Variants in HYCC1 observed in about 807,000 individuals in gnomAD.
HYCC1 encodes hyccin.
At chr7:22,947,928 C>T in the HYCC1 span, among the ~76,000 whole-genome samples, 1 of 152,048 alleles carries the variant, frequency 6.6e-6, no homozygotes, top group Admixed American at 6.6e-5. Context: ...TATTCAGACT[C>T]ATACCAATTT....
chr7:22,984,155 A>C, the HYCC1 span: 1 of 694,966 alleles, frequency 1.4e-6, no homozygotes. Flanking sequence ...ATGGGAGAAG[A>C]AGATTAGGAG....
At chr7:22,976,858 A>G in the HYCC1 span, 1 of 1,074,636 alleles carries the variant, frequency 9.3e-7, no homozygotes, top group Non-Finnish European at 1.4e-6. Flanking sequence ...TCTGCTGAAA[A>G]GGTGATATAT....
the HYCC1 span, chr7:22,984,019 A>G: frequency 3.1e-6 from 5 of 1,605,056 alleles, no homozygotes; most frequent in Non-Finnish European, 4.3e-6. Flanking sequence ...TTGTGGCATA[A>G]TTTGGTAAAG....
chr7:23,006,133 G>C, the HYCC1 span, among the ~76,000 whole-genome samples: 1 of 152,182 alleles, frequency 6.6e-6, no homozygotes, highest in Non-Finnish European at 1.5e-5. Context: ...AGGGAATGGG[G>C]AGTGCAGTCT....
At chr7:22,986,272 C>A in the HYCC1 span, among the ~76,000 whole-genome samples, 2,383 of 152,202 alleles carry the variant, frequency 0.016, 65 homozygotes, top group African/African-American at 0.054. Flanking sequence ...ACCTTTTATT[C>A]ACAATTCTGT....
chr7:22,933,648 T>C, the HYCC1 span, among the ~76,000 whole-genome samples: 2 of 152,228 alleles, frequency 1.3e-5, no homozygotes, highest in Non-Finnish European at 2.9e-5. Flanking sequence ...TCTCTTTCTT[T>C]TGATTAATCC....
chr7:22,904,664 G>A, the HYCC1 span, among the ~76,000 whole-genome samples: 1 of 150,360 alleles, frequency 6.7e-6, no homozygotes, highest in African/African-American at 2.4e-5. Context: ...AAAGAAAAGA[G>A]GTTTAGGGCC....
At chr7:23,002,171 T>C in the HYCC1 span, among the ~76,000 whole-genome samples, 1 of 92,878 alleles carries the variant, frequency 1.1e-5, no homozygotes, top group Non-Finnish European at 2.1e-5. Flanking sequence ...TATATATATA[T>C]ATATACATAT....
the HYCC1 span, among the ~76,000 whole-genome samples, chr7:22,996,393 T>C: frequency 6.6e-6 from 1 of 151,544 alleles, no homozygotes; most frequent in Non-Finnish European, 1.5e-5. Flanking sequence ...TTCTATAAAG[T>C]ATAGGATAAT....
chr7:22,938,565 G>A, the HYCC1 span: 1 of 152,184 alleles, frequency 6.6e-6, no homozygotes, highest in Non-Finnish European at 1.5e-5. Flanking sequence ...TGCTCATTTA[G>A]TTGGTGTGTA....
the HYCC1 span, among the ~76,000 whole-genome samples, chr7:22,980,354 A>T: frequency 6.6e-6 from 1 of 151,762 alleles, no homozygotes; most frequent in African/African-American, 2.4e-5. Flanking sequence ...TACCTCAAGT[A>T]TATTTATATG....
the HYCC1 span, among the ~76,000 whole-genome samples, chr7:22,932,434 T>C: frequency 1.3e-5 from 2 of 152,174 alleles, no homozygotes; most frequent in Non-Finnish European, 2.9e-5. Context: ...AGGAAACCTG[T>C]TGGCTAACAG....
chr7:22,984,006 A>G, the HYCC1 span: 8 of 1,608,664 alleles, frequency 5.0e-6, no homozygotes, highest in Non-Finnish European at 6.8e-6. Flanking sequence ...TTGTCTTTCA[A>G]ATTTGTGGCA....
the HYCC1 span, among the ~76,000 whole-genome samples, chr7:22,909,537 C>T: frequency 6.6e-6 from 1 of 152,320 alleles, no homozygotes; most frequent in East Asian, 1.9e-4. Context: ...ATCGATATCC[C>T]TTTGCCATAA....
At chr7:22,924,375 A>G in the HYCC1 span, among the ~76,000 whole-genome samples, 1 of 152,126 alleles carries the variant, frequency 6.6e-6, no homozygotes, top group East Asian at 1.9e-4. Flanking sequence ...GAGCCGAAGC[A>G]GGGCGAGGCA....
the HYCC1 span, among the ~76,000 whole-genome samples, chr7:23,002,108 T>C: frequency 7.0e-6 from 1 of 142,368 alleles, no homozygotes; most frequent in Non-Finnish European, 1.5e-5. Context: ...TCAATTAAAA[T>C]TGTCAAGAAG....
the HYCC1 span, chr7:22,945,742 A>G: frequency 2.5e-6 from 4 of 1,613,654 alleles, no homozygotes; most frequent in Non-Finnish European, 3.4e-6. Context: ...CAGCCCCACA[A>G]CCAACAGCAG....
At chr7:23,010,145 C>T in the HYCC1 span, among the ~76,000 whole-genome samples, 1 of 152,172 alleles carries the variant, frequency 6.6e-6, no homozygotes, top group Non-Finnish European at 1.5e-5. Flanking sequence ...AATTTGGATA[C>T]TATATGCCAA....
At chr7:22,997,715 A>C in the HYCC1 span, among the ~76,000 whole-genome samples, 1 of 152,188 alleles carries the variant, frequency 6.6e-6, no homozygotes, top group African/African-American at 2.4e-5. Flanking sequence ...CAAGTAAATA[A>C]AGCTGCCTCT....
Sources: gnomAD v4.1 joint callset for allele counts (sites outside exome capture counted in the v4.1 genomes callset) on GRCh38, gnomAD v4.1.1 for gene constraint, MANE v1.5 for transcripts, NCBI Gene and HGNC (gene_info 2026-07-23, HGNC 2026-07-21) for gene names.